Variants in EIF5B observed in about 807,000 individuals in gnomAD.
EIF5B encodes eukaryotic translation initiation factor 5B.
Under a neutral mutation model 147.5 loss-of-function variants are expected in EIF5B, and 47 were observed. That is an observed-to-expected ratio of 0.32 (90% CI 0.25 to 0.41). EIF5B has a LOEUF of 0.41. Ranked by LOEUF, EIF5B falls within the 10% of genes least tolerant of loss-of-function variation. The probability of loss-of-function intolerance (pLI) is 1.00; values close to 1 mark genes in which losing one functional copy is unlikely to be tolerated. For synonymous variants in EIF5B, 455 were observed against 456.2 expected (o/e 1.00, Z 0.03); for missense variants, 1,064 against 1,413.2 (o/e 0.75, Z 3.96).
intron 1 of EIF5B, among the ~76,000 whole-genome samples, chr2:99,348,422 C>T (rs2094277709): frequency 6.6e-6 from 1 of 152,194 alleles, no homozygotes; most frequent in Non-Finnish European, 1.5e-5. Flanking sequence ...GCAATGACTG[C>T]TGGGCTTTCC....
chr2:99,397,958 A>G (rs867354866), intron 22 of EIF5B: 3 of 150,094 alleles, frequency 2.0e-5, no homozygotes, highest in African/African-American at 4.9e-5. Flanking sequence ...ATAATCCATT[A>G]CCTTTATTCT....
intron 1 of EIF5B, among the ~76,000 whole-genome samples, chr2:99,343,613 T>C (rs932040375): frequency 1.3e-5 from 2 of 151,504 alleles, no homozygotes; most frequent in African/African-American, 4.8e-5. Context: ...AGGTCAGGAG[T>C]TCGAGACCAG....
At chr2:99,364,594 A>G (rs1343874227) in intron 6 of EIF5B, among the ~76,000 whole-genome samples, 173 bp downstream of exon 6, 1 of 152,242 alleles carries the variant, frequency 6.6e-6, no homozygotes, top group Non-Finnish European at 1.5e-5. Flanking sequence ...GTTTAGGAAG[A>G]TGACATCTAC....
intron 1 of EIF5B, among the ~76,000 whole-genome samples, chr2:99,353,266 G>A (rs1249475777): frequency 6.6e-6 from 1 of 152,010 alleles, no homozygotes; most frequent in Admixed American, 6.6e-5. Flanking sequence ...GCCAGCCTCG[G>A]CCTCCCAAAG....
intron 14 of EIF5B, among the ~76,000 whole-genome samples, chr2:99,387,912 A>G (rs1338666959): frequency 1.3e-5 from 2 of 152,156 alleles, no homozygotes; most frequent in Admixed American, 6.5e-5. Context: ...GGCTGAAGCA[A>G]TCTGCCCACG....
At chr2:99,343,922 A>G (rs1467054703) in intron 1 of EIF5B, among the ~76,000 whole-genome samples, 1 of 150,168 alleles carries the variant, frequency 6.7e-6, no homozygotes, top group Non-Finnish European at 1.5e-5. Context: ...GTTCATCTGC[A>G]TTCTTTTTTT....
chr2:99,374,157 C>T (rs529946297), intron 9 of EIF5B, among the ~76,000 whole-genome samples: 109 of 152,094 alleles, frequency 7.2e-4, no homozygotes, highest in African/African-American at 2.5e-3. Flanking sequence ...GGCGTGGTGG[C>T]GTGCGCCTGT....
rs754123679 is a variant in EIF5B at position 99,390,528 on chromosome 2, C to A, written c.2587-16C>A. 8 of 1,600,458 alleles carry A rather than the reference C, an allele frequency of 5.0e-6. No individual in the cohort carries two copies. The highest frequency in any genetic ancestry group is 6.0e-6 in the Non-Finnish European group (7 of 1,170,448). On this transcript the variant is annotated splice_polypyrimidine_tract_variant and intron_variant, in intron 16 of 23. Transcript: ENST00000289371. ...CATTGTATGTATGTCTTTCTCTTTG[C>A]ATTAATGCCTTTTAGGTTAAAGCTC...
At chr2:99,345,581 G>A (rs1419556634) in intron 1 of EIF5B, among the ~76,000 whole-genome samples, 4 of 131,404 alleles carry the variant, frequency 3.0e-5, no homozygotes, top group Non-Finnish European at 6.5e-5. Context: ...GCAATGGAGT[G>A]AGACTGTCTC....
chr2:99,344,348 G>C (rs573743235), intron 1 of EIF5B, among the ~76,000 whole-genome samples: 1 of 152,020 alleles, frequency 6.6e-6, no homozygotes, highest in Non-Finnish European at 1.5e-5. Context: ...ATTTATTTCC[G>C]GACTTTAAGT....
Position 99,338,872 on chromosome 2 carries a change from A to G in EIF5B, c.35+1283A>G, listed in dbSNP as rs1050472986. Among the ~76,000 whole-genome samples, 5 of 150,562 alleles carry G rather than the reference A, an allele frequency of 3.3e-5. No individual in the cohort carries two copies. In the Admixed American group the frequency reaches 3.3e-4, roughly 10 times the overall value. On this transcript the variant is annotated intron_variant, in intron 1 of 23. Transcript: ENST00000289371. ...ATGTATTAATTACCTGCCTTCAACC[A>G]TTGTTAGCACATGACCTGCTTGGTT...
chr2:99,374,596 G>A (rs1476115495), intron 9 of EIF5B, among the ~76,000 whole-genome samples: 1 of 152,054 alleles, frequency 6.6e-6, no homozygotes, highest in Non-Finnish European at 1.5e-5. Flanking sequence ...ACTGAGTGAG[G>A]AATTATTGGT....
chr2:99,397,025 CCTT>C (rs1233256884), intron 22 of EIF5B, 127 bp downstream of exon 22: 7 of 1,057,766 alleles, frequency 6.6e-6, no homozygotes, highest in Non-Finnish European at 8.9e-6. Context: ...GTGGTCTCCA[CCTT>C]CTTAACAAAT....
chr2:99,394,576 A>G lies in EIF5B; in HGVS notation c.3080A>G (p.His1027Arg). 5 of 1,614,204 alleles carry G rather than the reference A, an allele frequency of 3.1e-6. No homozygotes were observed. Among genetic ancestry groups the G allele is most frequent in the Non-Finnish European group, 4.2e-6 (5 of 1,180,028 alleles). The change falls in exon 20 of 24, where the codon CAT becomes CGT. Residue 1027 changes from histidine to arginine, a missense_variant. His to Arg is a conservative substitution (Grantham distance 29). Coordinates refer to ENST00000289371, the MANE Select transcript of EIF5B (RefSeq NM_015904.4). Reference protein sequence around the residue: ...DVMKASVMLEHDPQYAVILAF... With the variant: ...DVMKASVMLERDPQYAVILAF... ...ATGAAGGCTTCAGTGATGTTGGAACATGACCCTCAGTAAGTAATTTCTCTT... is the reference window on the plus strand; with the variant it reads ...ATGAAGGCTTCAGTGATGTTGGAACGTGACCCTCAGTAAGTAATTTCTCTT...
intron 1 of EIF5B, chr2:99,340,736 C>A (rs1029615131): frequency 6.6e-6 from 1 of 151,866 alleles, no homozygotes; most frequent in Non-Finnish European, 1.5e-5. Flanking sequence ...TGCTTAAAGA[C>A]CAAGTTCTAG....
chr2:99,337,667 G>C, intron 1 of EIF5B, 78 bp downstream of exon 1: 2 of 1,512,860 alleles, frequency 1.3e-6, no homozygotes, highest in Non-Finnish European at 8.9e-7. Flanking sequence ...GCGCGGCGTC[G>C]GACCGGGGTC....
intron 13 of EIF5B, among the ~76,000 whole-genome samples, chr2:99,382,490 G>A (rs931861870): frequency 5.3e-5 from 8 of 152,074 alleles, no homozygotes; most frequent in Admixed American, 2.6e-4. Flanking sequence ...TGTAAAACCC[G>A]TTACAAGTGG....
Position 99,399,643 on chromosome 2 carries a change from C to T in EIF5B, c.*229C>T, listed in dbSNP as rs1675157759. 2 of 454,774 alleles carry T rather than the reference C, an allele frequency of 4.4e-6. No homozygotes were observed. Among genetic ancestry groups the T allele is most frequent in the East Asian group, 4.0e-5 (1 of 24,848 alleles). The allele number at this position is 454,774 out of a possible 1,614,324, so 28.2% of individuals were successfully genotyped here. A position where few individuals can be genotyped will look rare whatever the true frequency, so the allele number is the denominator to read the frequency against. ...AGTTCCAATGTGCCTGTTCACTCAC[C>T]TCTCCCTTCCCCAACCCTTCTCTAC... On this transcript the variant is annotated 3_prime_UTR_variant, in exon 24 of 24. Coordinates refer to ENST00000289371, the MANE Select transcript of EIF5B (RefSeq NM_015904.4).
intron 1 of EIF5B, among the ~76,000 whole-genome samples, chr2:99,353,715 A>C (rs2105340348): frequency 6.6e-6 from 1 of 152,174 alleles, no homozygotes; most frequent in Non-Finnish European, 1.5e-5. Context: ...CTCTAACCTC[A>C]GGTGTCTTGT....
Sources: allele counts gnomAD v4.1 joint callset (sites outside exome capture counted in the v4.1 genomes callset), GRCh38; gene constraint gnomAD v4.1.1; transcripts MANE v1.5; gene names NCBI Gene and HGNC (gene_info 2026-07-23, HGNC 2026-07-21).